HDAC9: variants seen among roughly 807,000 people sequenced by gnomAD.
The protein encoded by HDAC9 is MEF-2 interacting transcription repressor (MITR) protein.
A neutral mutation model predicts 139.4 loss-of-function variants in HDAC9; 41 were observed. The ratio of observed to expected loss-of-function variants is 0.29; its 90% CI spans 0.23 to 0.38. The LOEUF is 0.38. Ranked by LOEUF, HDAC9 falls within the 10% of genes least tolerant of loss-of-function variation. The pLI is 1.00. For missense variants in HDAC9, 1,147 were observed against 1,297.0 expected (o/e 0.88, Z 1.78); for synonymous variants, 517 against 476.2 (o/e 1.09, Z -1.12).
rs1785721060 is a variant in HDAC9 at position 18,728,281 on chromosome 7, C to G, written c.1909+524C>G. Among the ~76,000 whole-genome samples the G allele has an allele frequency of 2.0e-5, 3 of 152,068 alleles. No individual in the cohort carries two copies. In the South Asian group the frequency reaches 6.2e-4, roughly 32 times the overall value. On this transcript the variant is annotated intron_variant, in intron 13 of 25. Transcript: ENST00000686413. ...CTTTCATTTCTATTCATTATGGAAT[C>G]TCTGGGTGGGCTTTTCGACCAACCT...
intron 22 of HDAC9, among the ~76,000 whole-genome samples, chr7:18,880,370 C>T (rs897049185): frequency 6.6e-6 from 1 of 152,138 alleles, no homozygotes; most frequent in African/African-American, 2.4e-5. Context: ...ATGTTCACTG[C>T]AGCACTATTC....
At chr7:18,786,574 ATGGC>A (rs750163583) in intron 16 of HDAC9, among the ~76,000 whole-genome samples, 1 of 88,866 alleles carries the variant, frequency 1.1e-5, no homozygotes, top group East Asian at 2.6e-4. Flanking sequence ...CCTCTTGGGT[ATGGC>A]TGGCTGGCTT....
chr7:18,909,065 TG>T (rs1318211243), intron 22 of HDAC9, among the ~76,000 whole-genome samples: 2 of 152,098 alleles, frequency 1.3e-5, no homozygotes, highest in African/African-American at 4.8e-5. Context: ...AGTTATTGTT[TG>T]TCTTTTTCAT....
intron 1 of HDAC9, among the ~76,000 whole-genome samples, chr7:18,304,732 C>G (rs1798798462): frequency 6.6e-6 from 1 of 152,186 alleles, no homozygotes; most frequent in South Asian, 2.1e-4. Context: ...GTCCATACAT[C>G]ACTTTTTAAT....
intron 1 of HDAC9, among the ~76,000 whole-genome samples, chr7:18,401,438 G>A (rs1208270768): frequency 2.6e-5 from 4 of 152,202 alleles, no homozygotes; most frequent in Non-Finnish European, 2.9e-5. Context: ...GCAAAACACC[G>A]CATTCTTCTG....
intron 2 of HDAC9, among the ~76,000 whole-genome samples, chr7:18,524,265 A>G (rs1806061060): frequency 6.6e-6 from 1 of 152,184 alleles, no homozygotes; most frequent in Admixed American, 6.5e-5. Context: ...ACAACTTTGT[A>G]TATTAATACT....
intron 17 of HDAC9, among the ~76,000 whole-genome samples, chr7:18,824,592 G>A (rs559253032): frequency 2.6e-5 from 4 of 152,296 alleles, no homozygotes; most frequent in Non-Finnish European, 5.9e-5. Context: ...GGTAATTATA[G>A]GGTCTAGGAA....
At chr7:18,142,069 CAAGTTCT>C (rs139297138) in intron 1 of HDAC9, among the ~76,000 whole-genome samples, 4,844 of 152,154 alleles carry the variant, frequency 0.032, 111 homozygotes, top group Middle Eastern at 0.058. Context: ...AATTGAGTGA[CAAGTTCT>C]ATTTGAAGAA....
chr7:18,818,214 C>G (rs1001531763), intron 17 of HDAC9, among the ~76,000 whole-genome samples: 1 of 152,106 alleles, frequency 6.6e-6, no homozygotes, highest in African/African-American at 2.4e-5. Flanking sequence ...TTAGAAGTAC[C>G]TTAGTGCTGA....
chr7:18,170,461 G>T (rs1163176048), intron 2 of HDAC9, among the ~76,000 whole-genome samples: 4 of 152,138 alleles, frequency 2.6e-5, no homozygotes, highest in Admixed American at 2.6e-4. Context: ...GATCCCATTT[G>T]TCTATTTTGG....
At chr7:18,482,058 A>T (rs1161012129) in intron 1 of HDAC9, among the ~76,000 whole-genome samples, 2 of 152,144 alleles carry the variant, frequency 1.3e-5, no homozygotes, top group Non-Finnish European at 2.9e-5. Context: ...CTATCGCCAC[A>T]TCATATATGC....
chr7:18,137,905 G>A (rs1330037945), intron 1 of HDAC9, among the ~76,000 whole-genome samples: 3 of 151,678 alleles, frequency 2.0e-5, no homozygotes, highest in Non-Finnish European at 2.9e-5. Context: ...TGTACCTCTG[G>A]TAGAATTTGG....
chr7:18,477,024 G>C (rs958581420), intron 1 of HDAC9, among the ~76,000 whole-genome samples: 2 of 152,066 alleles, frequency 1.3e-5, no homozygotes, highest in African/African-American at 4.8e-5. Context: ...TACAAATATA[G>C]GAATTCACAT....
chr7:18,321,515 C>A (rs1800029904), intron 1 of HDAC9, among the ~76,000 whole-genome samples: 1 of 152,142 alleles, frequency 6.6e-6, no homozygotes, highest in Non-Finnish European at 1.5e-5. Context: ...ATTTTATATG[C>A]TTTTTAAAAA....
intron 2 of HDAC9, among the ~76,000 whole-genome samples, chr7:18,549,407 C>T (rs112986297): frequency 2.0e-5 from 3 of 152,296 alleles, no homozygotes; most frequent in African/African-American, 7.2e-5. Flanking sequence ...TTCACAGTGT[C>T]CCTCAATAGC....
chr7:18,830,354 G>A (rs1211614864), intron 19 of HDAC9, among the ~76,000 whole-genome samples: 1 of 152,146 alleles, frequency 6.6e-6, no homozygotes, highest in Non-Finnish European at 1.5e-5. Flanking sequence ...AGCATAGACA[G>A]GAAATGAACC....
chr7:18,631,697 CA>C (rs1782398329), intron 7 of HDAC9, among the ~76,000 whole-genome samples: 1 of 151,840 alleles, frequency 6.6e-6, no homozygotes, highest in South Asian at 2.1e-4. Context: ...CTGCCCCCTA[CA>C]AAAAGTCCTG....
intron 1 of HDAC9, among the ~76,000 whole-genome samples, chr7:18,316,404 A>G (rs776099983): frequency 1.3e-5 from 2 of 152,180 alleles, no homozygotes; most frequent in Admixed American, 1.3e-4. Flanking sequence ...TGGCATTTAG[A>G]ATCTTTTCAT....
chr7:18,215,083 G>T (rs1158531888), intron 2 of HDAC9, among the ~76,000 whole-genome samples: 2 of 152,094 alleles, frequency 1.3e-5, no homozygotes, highest in African/African-American at 4.8e-5. Flanking sequence ...GGAAATGAAA[G>T]GGAGAAACAG....
Sources: gnomAD v4.1 joint callset for allele counts (sites outside exome capture counted in the v4.1 genomes callset) on GRCh38, gnomAD v4.1.1 for gene constraint, MANE v1.5 for transcripts, NCBI Gene and HGNC (gene_info 2026-07-23, HGNC 2026-07-21) for gene names.